Variants in CNKSR2 observed in about 807,000 individuals in gnomAD.
CNKSR2 encodes CNK homolog protein 2.
In CNKSR2, 14 loss-of-function variants were observed where a neutral mutation model predicts 84.4. The observed-to-expected ratio is 0.17, with a 90% confidence interval of 0.11 to 0.26. The LOEUF is 0.26. Ranked by LOEUF, CNKSR2 falls within the 10% of genes least tolerant of loss-of-function variation. CNKSR2 has a pLI of 1.00. For synonymous variants in CNKSR2, 275 were observed against 277.9 expected (o/e 0.99, Z 0.10); for missense variants, 485 against 771.2 (o/e 0.63, Z 4.40).
chrX:21,397,192 A>G (rs1416927155), intron 1 of CNKSR2, among the ~76,000 whole-genome samples: 2 of 111,603 alleles, frequency 1.8e-5, no homozygotes, highest in Non-Finnish European at 1.9e-5. Flanking sequence ...GTCCAGTGCA[A>G]CAGGATTAAA....
intron 13 of CNKSR2, among the ~76,000 whole-genome samples, chrX:21,568,899 A>G (rs1396263432): frequency 9.0e-6 from 1 of 111,463 alleles, no homozygotes; most frequent in Non-Finnish European, 1.9e-5. Context: ...AATTTAACAG[A>G]AACCTAACAA....
At chrX:21,571,573 T>C (rs1243748009) in intron 13 of CNKSR2, among the ~76,000 whole-genome samples, 1 of 111,820 alleles carries the variant, frequency 8.9e-6, no homozygotes, top group Non-Finnish European at 1.9e-5. Context: ...TCTGCAGAAC[T>C]GAAAGGAACT....
Position 21,556,325 on chromosome X carries a change from A to G in CNKSR2, c.1304-5146A>G, listed in dbSNP as rs190336353. On this transcript the variant is annotated intron_variant, in intron 11 of 21. Coordinates refer to ENST00000379510, the MANE Select transcript of CNKSR2 (RefSeq NM_014927.5). ...TTCTCCCATGAAGTTTACAGTCTAG[A>G]AGGGTGACAGAATTCAAGTAACTAA... Among the ~76,000 whole-genome samples the G allele has an allele frequency of 3.1e-3, 349 of 111,198 alleles. 2 individuals carry two copies. Among genetic ancestry groups the G allele is most frequent in the African/African-American group, 0.01 (320 of 30,717 alleles).
chrX:21,511,076 T>A (rs1328085507), intron 8 of CNKSR2, among the ~76,000 whole-genome samples: 1 of 111,764 alleles, frequency 8.9e-6, no homozygotes, highest in African/African-American at 3.2e-5. Context: ...AAAAAACACC[T>A]TCATAACAGT....
At position 21,595,555 on chromosome X, in the gene CNKSR2, A is replaced by G. The variant is rs765417144; in HGVS notation, c.1976+160A>G. The stretch of plus-strand genomic sequence containing the variant: ...ATGCAGCCATATCTAATTTTAAAGA[A>G]CATCATTTAAAAAGTCAAAATAAAC... On this transcript the variant is annotated intron_variant, in intron 17 of 21. Transcript: ENST00000379510. Among the ~76,000 whole-genome samples, 4 of 111,415 alleles carry G rather than the reference A, an allele frequency of 3.6e-5. No individual in the cohort carries two copies. In the East Asian group the frequency reaches 1.1e-3, roughly 31 times the overall value.
intron 20 of CNKSR2, among the ~76,000 whole-genome samples, chrX:21,625,698 A>G (rs970800556): frequency 1.3e-4 from 14 of 111,849 alleles, no homozygotes; most frequent in African/African-American, 4.5e-4. Context: ...TGACATAGCA[A>G]GCAGTGCTAG....
chrX:21,488,191 T>C (rs2091405239), intron 5 of CNKSR2, among the ~76,000 whole-genome samples: 1 of 111,880 alleles, frequency 8.9e-6, no homozygotes, highest in Non-Finnish European at 1.9e-5. Flanking sequence ...GCAAGGTAAT[T>C]CAATTAAGAA....
chrX:21,492,039 G>A (rs1452306194), intron 6 of CNKSR2: 1 of 110,888 alleles, frequency 9.0e-6, no homozygotes, highest in African/African-American at 3.3e-5. Flanking sequence ...TAACCACCTT[G>A]GCCTTGATCT....
chrX:21,487,747 A>G (rs901321505), intron 5 of CNKSR2, among the ~76,000 whole-genome samples: 2 of 112,637 alleles, frequency 1.8e-5, no homozygotes, highest in Non-Finnish European at 3.7e-5. Context: ...TTATATGTTA[A>G]GTACTGCCAT....
chrX:21,520,407 G>A (rs1403535943), intron 9 of CNKSR2, among the ~76,000 whole-genome samples: 2 of 110,192 alleles, frequency 1.8e-5, no homozygotes, highest in Non-Finnish European at 3.8e-5. Flanking sequence ...CATCTTTTCA[G>A]TGGCACTCTA....
chrX:21,574,766 A>G (rs767577353), intron 13 of CNKSR2, among the ~76,000 whole-genome samples: 5 of 111,775 alleles, frequency 4.5e-5, no homozygotes, highest in Non-Finnish European at 9.4e-5. Flanking sequence ...TTCATATCGC[A>G]CAAGCACAAG....
intron 6 of CNKSR2, chrX:21,495,343 T>A (rs2091482553): frequency 8.9e-6 from 1 of 111,856 alleles, no homozygotes; most frequent in Non-Finnish European, 1.9e-5. Context: ...TGCAAGACAC[T>A]TAAAACAGTC....
chrX:21,522,153 T>C (rs1463248495), intron 9 of CNKSR2, among the ~76,000 whole-genome samples: 1 of 111,039 alleles, frequency 9.0e-6, no homozygotes, highest in Non-Finnish European at 1.9e-5. Flanking sequence ...TGTACTAGTG[T>C]TGGGAATTAA....
intron 11 of CNKSR2, among the ~76,000 whole-genome samples, chrX:21,533,445 C>T (rs2091902153): frequency 9.0e-6 from 1 of 110,892 alleles, no homozygotes; most frequent in Non-Finnish European, 1.9e-5. Flanking sequence ...TGGCTATTTT[C>T]TACTTGTGTT....
At chrX:21,485,363 T>G (rs1244023888) in intron 5 of CNKSR2, among the ~76,000 whole-genome samples, 1 of 111,056 alleles carries the variant, frequency 9.0e-6, no homozygotes, top group Admixed American at 9.6e-5. Flanking sequence ...AAAATGTTGC[T>G]TTATTTTGTG....
chrX:21,568,586 T>C (rs970345197), intron 13 of CNKSR2, among the ~76,000 whole-genome samples: 54 of 111,773 alleles, frequency 4.8e-4, no homozygotes, highest in African/African-American at 1.7e-3. Flanking sequence ...GGCCAATTTG[T>C]GAGGTTTTGT....
chrX:21,632,383 C>A (rs1267279592), intron 20 of CNKSR2, among the ~76,000 whole-genome samples: 2 of 111,542 alleles, frequency 1.8e-5, no homozygotes, highest in Admixed American at 1.9e-4. Flanking sequence ...GGCCTTGGTT[C>A]CCAAGGCCTT....
At chrX:21,516,286 G>C (rs1219430370) in intron 8 of CNKSR2, among the ~76,000 whole-genome samples, 199 bp from the exon 9 acceptor site, 1 of 111,057 alleles carries the variant, frequency 9.0e-6, no homozygotes, top group Non-Finnish European at 1.9e-5. Flanking sequence ...TATGTTGTCT[G>C]GTAATGATAT....
intron 5 of CNKSR2, among the ~76,000 whole-genome samples, chrX:21,483,490 A>T (rs2147170070): frequency 9.2e-6 from 1 of 108,587 alleles, no homozygotes; most frequent in African/African-American, 3.3e-5. Context: ...TACCTAATGT[A>T]AATGACAAGT....
Sources: gnomAD v4.1 joint callset for allele counts (sites outside exome capture counted in the v4.1 genomes callset) on GRCh38, gnomAD v4.1.1 for gene constraint, MANE v1.5 for transcripts, NCBI Gene and HGNC (gene_info 2026-07-23, HGNC 2026-07-21) for gene names.